The following ASH1L variants were observed in gnomAD, a reference collection of about 807,000 sequenced individuals.
ASH1L encodes the protein histone-lysine N-methyltransferase ASH1L.
A neutral mutation model predicts 269.0 loss-of-function variants in ASH1L; 23 were observed. The ratio of observed to expected loss-of-function variants is 0.09; its 90% CI spans 0.06 to 0.12. ASH1L has a LOEUF of 0.12. Ranked by LOEUF, ASH1L falls within the 10% of genes least tolerant of loss-of-function variation. The probability of loss-of-function intolerance (pLI) is 1.00; values close to 1 mark genes in which losing one functional copy is unlikely to be tolerated. For missense variants in ASH1L, 2,912 were observed against 3,567.8 expected, an observed-to-expected ratio of 0.82 and a Z score of 4.68; for synonymous variants, 1,187 against 1,253.5, an observed-to-expected ratio of 0.95 and a Z score of 1.12.
At chr1:155,351,322 G>A (rs1264082010) in intron 17 of ASH1L, among the ~76,000 whole-genome samples, 1 of 152,106 alleles carries the variant, frequency 6.6e-6, no homozygotes, top group Non-Finnish European at 1.5e-5. Flanking sequence ...GGCTGAGGTG[G>A]GCAGAGAACT....
chr1:155,358,457 G>A (rs1570987829), intron 13 of ASH1L, among the ~76,000 whole-genome samples: 1 of 151,794 alleles, frequency 6.6e-6, no homozygotes, highest in South Asian at 2.1e-4. Flanking sequence ...AGGCCAAGGC[G>A]GGCGGATCAC....
At chr1:155,444,015 G>A (rs1437367694) in intron 4 of ASH1L, among the ~76,000 whole-genome samples, 1 of 125,386 alleles carries the variant, frequency 8.0e-6, no homozygotes, top group Non-Finnish European at 1.6e-5. Context: ...ACGGAGTCTC[G>A]CTCTGTCACT....
In ASH1L at chr1:155,369,330, C is replaced by T. The variant is rs1195093593; in HGVS notation, c.6686+1174G>A. On this transcript the variant is annotated intron_variant, in intron 12 of 27. Transcript: ENST00000392403. ...GGCGTGGTGGCAGGTGCCTGTAGTC[C>T]CAGCTACTGGGCAGGCTGAGGCAGG... Among the ~76,000 whole-genome samples, 4 of 152,102 alleles carry T rather than the reference C, an allele frequency of 2.6e-5. No homozygotes were observed. The East Asian group carries it at 7.7e-4, about 29-fold the overall frequency.
intron 17 of ASH1L, among the ~76,000 whole-genome samples, chr1:155,350,557 T>C (rs1653807098): frequency 6.6e-6 from 1 of 152,182 alleles, no homozygotes; most frequent in South Asian, 2.1e-4. Context: ...ACAAATCTTA[T>C]AATAGCAAAA....
intron 1 of ASH1L, among the ~76,000 whole-genome samples, chr1:155,550,178 G>A (rs1373673623): frequency 1.3e-5 from 2 of 152,024 alleles, no homozygotes; most frequent in Admixed American, 6.6e-5. Context: ...GCACCACCAC[G>A]CCCAGCTAAT....
intron 1 of ASH1L, among the ~76,000 whole-genome samples, chr1:155,551,811 T>TAA (rs761600260): frequency 2.0e-5 from 2 of 102,412 alleles, no homozygotes; most frequent in South Asian, 3.1e-4. Flanking sequence ...CTACTAAAGA[T>TAA]AAAAAAAAAA....
intron 6 of ASH1L, among the ~76,000 whole-genome samples, chr1:155,398,971 G>A (rs751436529): frequency 7.9e-5 from 12 of 152,088 alleles, no homozygotes; most frequent in Non-Finnish European, 1.8e-4. Flanking sequence ...GGGCTCAAGC[G>A]ACTTGCCTGC....
At chr1:155,370,195 C>A (rs547054680) in intron 12 of ASH1L, 1 of 361,114 alleles carries the variant, frequency 2.8e-6, no homozygotes, top group African/African-American at 2.1e-5. Context: ...TGTACCACCA[C>A]CCTGGCTATC....
In ASH1L at chr1:155,537,611, T is replaced by C. The variant is rs546776114; in HGVS notation, c.-99-15993A>G. 3.9e-5 allele frequency among the ~76,000 whole-genome samples: 6 copies of C among 152,228 alleles called. No homozygotes were observed. In the South Asian group the frequency reaches 1.2e-3, roughly 32 times the overall value. On this transcript the variant is annotated intron_variant, in intron 1 of 27. Coordinates refer to ENST00000392403, the MANE Select transcript of ASH1L (RefSeq NM_018489.3). The stretch of plus-strand genomic sequence containing the variant: ...GAACTCAGACCCTTACCTCACATCA[T>C]ACACAAAAATTAACTCAAGTGGATC...
intron 7 of ASH1L, among the ~76,000 whole-genome samples, chr1:155,392,543 T>C (rs937638075): frequency 3.3e-5 from 5 of 152,186 alleles, no homozygotes; most frequent in African/African-American, 9.6e-5. Flanking sequence ...GGCTGGAGTA[T>C]AGTAGCATGA....
intron 1 of ASH1L, among the ~76,000 whole-genome samples, chr1:155,554,664 C>T (rs1285686719): frequency 1.3e-5 from 2 of 152,094 alleles, no homozygotes; most frequent in Non-Finnish European, 2.9e-5. Context: ...CTGCCTTGGC[C>T]TCCCACAGAG....
intron 2 of ASH1L, among the ~76,000 whole-genome samples, chr1:155,515,575 C>T (rs900355803): frequency 6.6e-6 from 1 of 152,086 alleles, no homozygotes; most frequent in African/African-American, 2.4e-5. Flanking sequence ...CTCCTATAAT[C>T]CCAGCACTTT....
rs1652972729 is a variant in ASH1L, at chr1:155,343,352, C to T, written c.8255G>A (p.Gly2752Glu). The T allele has an allele frequency of 2.5e-6, 4 of 1,613,988 alleles. No individual in the cohort carries two copies. The highest frequency in any genetic ancestry group is 3.4e-6 in the Non-Finnish European group (4 of 1,180,012). Residue 2752 changes from glycine to glutamate, a missense_variant, in exon 24 of 28, where the codon GGG becomes GAG. Physicochemically the swap from Gly to Glu is moderately conservative, Grantham distance 98. Transcript: ENST00000392403. The surrounding 1 kb of genome is among the most constrained non-coding windows in gnomAD (Gnocchi z 6.1). ...ATAAAGGTCCAACACACAGCAGGTC[C>T]CCACTACAGCCTCCAAGGGAATGAT... ...YEIIPLEAVV[G>E]TCCVLDLYTY...
At chr1:155,404,262 A>C (rs1274868996) in intron 6 of ASH1L, among the ~76,000 whole-genome samples, 2 of 152,102 alleles carry the variant, frequency 1.3e-5, no homozygotes, top group Non-Finnish European at 2.9e-5. Flanking sequence ...AGGCTGAGGT[A>C]AGATGAACGC....
Position 155,478,300 on chromosome 1 carries a change from C to T in ASH1L, c.4570G>A (p.Val1524Ile). Residue 1524 changes from valine (V) to isoleucine (I), a missense_variant, in exon 3 of 28, where the codon GTT (valine) becomes ATT (isoleucine). By Grantham distance (29) the Val-to-Ile change is conservative. Coordinates refer to ENST00000392403, the MANE Select transcript of ASH1L (RefSeq NM_018489.3). This position sits in a 1 kb window ranked among gnomAD's most constrained non-coding sequence, Gnocchi z 4.6. ...LKRYRFGKDA[V>I]GERYKHKEKH... ...TCCTTATGCTTATATCGCTCTCCAA[C>T]AGCATCCTTTCCAAATCTATAGCGC... 6.2e-7 allele frequency: 1 copy of T among 1,614,164 alleles called. No homozygotes were observed. Among genetic ancestry groups the T allele is most frequent in the East Asian group, 2.2e-5 (1 of 44,890 alleles).
At chr1:155,398,959 C>T (rs1658598829) in intron 6 of ASH1L, among the ~76,000 whole-genome samples, 1 of 152,118 alleles carries the variant, frequency 6.6e-6, no homozygotes, top group Non-Finnish European at 1.5e-5. Context: ...TCTTCAACTC[C>T]TGGGCTCAAG....
At chr1:155,498,968 T>C (rs916420467) in intron 2 of ASH1L, among the ~76,000 whole-genome samples, 4 of 142,626 alleles carry the variant, frequency 2.8e-5, no homozygotes, top group South Asian at 4.4e-4. Flanking sequence ...ATTAAACATA[T>C]AGGTCAAGAA....
chr1:155,528,385 A>G (rs1669419886), intron 1 of ASH1L, among the ~76,000 whole-genome samples: 1 of 152,156 alleles, frequency 6.6e-6, no homozygotes, highest in South Asian at 2.1e-4. Flanking sequence ...TTACTCTGAC[A>G]GCTATTAGAT....
rs150977930 is a variant in ASH1L, at chr1:155,516,524, T to G, written c.420+4576A>C. ...CCAAAATCAGTTGTGGCCAACACAG[T>G]GGCTTACACCTGTAATCCCATCACT... On this transcript the variant is annotated intron_variant, in intron 2 of 27. Transcript: ENST00000392403. 2.7e-3 allele frequency among the ~76,000 whole-genome samples: 418 copies of G among 152,298 alleles called. 1 individual carries two copies. Among genetic ancestry groups the G allele is most frequent in the Non-Finnish European group, 4.4e-3 (296 of 68,016 alleles).
Sources: allele counts gnomAD v4.1 joint callset (sites outside exome capture counted in the v4.1 genomes callset), GRCh38; gene constraint gnomAD v4.1.1; non-coding constraint Gnocchi (gnomAD v3.1); transcripts MANE v1.5; gene names NCBI Gene and HGNC (gene_info 2026-07-23, HGNC 2026-07-21).